The following JAK1 variants were observed in gnomAD, a reference collection of about 807,000 sequenced individuals.
The protein encoded by JAK1 is Janus kinase 1, also known as tyrosine-protein kinase JAK1.
In JAK1, 16 loss-of-function variants were observed where a neutral mutation model predicts 136.6. That is an observed-to-expected ratio of 0.12 (90% CI 0.08 to 0.18). The LOEUF (loss-of-function observed/expected upper bound fraction) is 0.18. JAK1 is among the 10% of genes least tolerant of loss of function. The pLI is 1.00. For synonymous variants in JAK1, 492 were observed against 519.5 expected (o/e 0.95, Z 0.72); for missense variants, 859 against 1,450.1 (o/e 0.59, Z 6.62).
chr1:64,916,978 G>A (rs1431488022), intron 1 of JAK1, among the ~76,000 whole-genome samples: 2 of 152,066 alleles, frequency 1.3e-5, no homozygotes, highest in African/African-American at 2.4e-5. Flanking sequence ...AGAAAGTGGA[G>A]GGGAGAAAAT....
intron 2 of JAK1, chr1:64,974,565 G>A (rs1225808042): frequency 6.6e-6 from 1 of 152,210 alleles, no homozygotes; most frequent in East Asian, 1.9e-4. Context: ...CAGCTAGCTG[G>A]AGAACATACT....
chr1:65,055,165 C>A (rs1353112298), intron 1 of JAK1, among the ~76,000 whole-genome samples: 1 of 152,162 alleles, frequency 6.6e-6, no homozygotes, highest in African/African-American at 2.4e-5. Flanking sequence ...CTCCATTCCC[C>A]CCTCTCCCCC....
intron 1 of JAK1, among the ~76,000 whole-genome samples, chr1:64,923,035 T>C (rs1180238176): frequency 6.6e-6 from 1 of 152,214 alleles, no homozygotes; most frequent in Admixed American, 6.5e-5. Context: ...TACAAGCCAA[T>C]GTGACTCTGT....
chr1:65,046,618 G>C (rs559407925), intron 1 of JAK1, among the ~76,000 whole-genome samples: 3 of 152,232 alleles, frequency 2.0e-5, no homozygotes, highest in African/African-American at 7.2e-5. Flanking sequence ...GGTTGAAGGA[G>C]ACCTGAGTCC....
At position 65,000,093 on chromosome 1, in the gene JAK1, C is replaced by T. The variant is rs1240536644; in HGVS notation, c.-78+44387G>A. Among the ~76,000 whole-genome samples, 18 of 151,414 alleles carry T rather than the reference C, an allele frequency of 1.2e-4. 1 individual carries two copies. Among genetic ancestry groups the T allele is most frequent in the Admixed American group, 8.6e-4 (13 of 15,194 alleles). On this transcript the variant is annotated intron_variant, in intron 2 of 25. Transcript: ENST00000671954. ...GCAACCTCTGACTCCCTGGTTCAAG[C>T]GATTCTCCTCCCTCAGCCTCCCGAG...
intron 1 of JAK1, among the ~76,000 whole-genome samples, chr1:64,945,247 T>A (rs1054051742): frequency 6.6e-6 from 1 of 152,070 alleles, no homozygotes; most frequent in African/African-American, 2.4e-5. Flanking sequence ...CACAAAAATA[T>A]GTAAATTTCA....
intron 2 of JAK1, among the ~76,000 whole-genome samples, chr1:65,025,092 A>G (rs1177531093): frequency 6.6e-6 from 1 of 152,176 alleles, no homozygotes; most frequent in African/African-American, 2.4e-5. Context: ...CAAGATGGCT[A>G]TAGCAGCTCC....
chr1:64,995,144 A>C (rs17127198), intron 2 of JAK1: 4 of 152,154 alleles, frequency 2.6e-5, no homozygotes, highest in African/African-American at 9.7e-5. Flanking sequence ...ATCATTTACA[A>C]TCAGATCATT....
intron 2 of JAK1, among the ~76,000 whole-genome samples, chr1:65,020,225 C>CA (rs375362876): frequency 0.1 from 5,074 of 49,752 alleles, 270 homozygotes; most frequent in African/African-American, 0.16. Flanking sequence ...AACTCCGTCT[C>CA]AAAAAAAAAA....
intron 1 of JAK1, among the ~76,000 whole-genome samples, chr1:65,050,448 G>T (rs1647253002): frequency 6.6e-6 from 1 of 152,162 alleles, no homozygotes; most frequent in African/African-American, 2.4e-5. Flanking sequence ...GGGTGTCCCA[G>T]GCAGAAGGAA....
chr1:64,965,768 G>C (rs899343557), intron 1 of JAK1, among the ~76,000 whole-genome samples: 1 of 152,168 alleles, frequency 6.6e-6, no homozygotes, highest in African/African-American at 2.4e-5. Context: ...TAAGAGGGGA[G>C]GGGGCGTTTC....
intron 1 of JAK1, among the ~76,000 whole-genome samples, chr1:64,896,571 CATTA>C (rs751276836): frequency 4.6e-5 from 7 of 152,192 alleles, no homozygotes; most frequent in Non-Finnish European, 1.0e-4. Context: ...TCCAGGACAT[CATTA>C]ATTAAGTAAA....
intron 1 of JAK1, among the ~76,000 whole-genome samples, chr1:64,905,638 A>G (rs1645178455): frequency 6.6e-6 from 1 of 152,224 alleles, no homozygotes; most frequent in Middle Eastern, 3.2e-3. Flanking sequence ...CCTCTGCCAT[A>G]TAACAAATTT....
At chr1:64,985,947 G>A in intron 2 of JAK1, 2 of 1,007,862 alleles carry the variant, frequency 2.0e-6, no homozygotes, top group Non-Finnish European at 3.1e-6. Flanking sequence ...AGGGGTATTT[G>A]CCTTGTCCTT....
intron 1 of JAK1, 127 bp from the exon 2 acceptor site, chr1:64,886,468 G>GAA (rs1009264855): frequency 2.1e-5 from 11 of 516,084 alleles, no homozygotes; most frequent in Admixed American, 8.3e-5. Flanking sequence ...GAGGAAGAAG[G>GAA]AAAAAAACAA....
chr1:65,007,608 A>C (rs555818050), intron 2 of JAK1, among the ~76,000 whole-genome samples: 4 of 152,088 alleles, frequency 2.6e-5, no homozygotes, highest in Admixed American at 6.6e-5. Context: ...CTACAGGCGC[A>C]TGCCACCACG....
chr1:64,888,873 A>ATCTTC (rs1434400813), intron 1 of JAK1, among the ~76,000 whole-genome samples: 1 of 152,232 alleles, frequency 6.6e-6, no homozygotes, highest in Non-Finnish European at 1.5e-5. Flanking sequence ...TAACAACAAA[A>ATCTTC]TCTCTACTCT....
rs180769230 is a variant in JAK1, at chr1:64,931,731, C to A, written c.-78+34602G>T. ...TCTGTTCTTTAATGGTAAATTGTTA[C>A]AAAATTACAAACTATCGGGAGGCAC... is the stretch of plus-strand genomic sequence containing the variant. On this transcript the variant is annotated intron_variant, in intron 1 of 24. Transcript: ENST00000342505. 1.2e-3 allele frequency among the ~76,000 whole-genome samples: 189 copies of A among 152,092 alleles called. 1 individual carries two copies. The highest frequency in any genetic ancestry group is 2.0e-3 in the Non-Finnish European group (133 of 67,988).
intron 1 of JAK1, among the ~76,000 whole-genome samples, chr1:65,047,145 G>A (rs1273616283): frequency 6.6e-6 from 1 of 151,972 alleles, no homozygotes; most frequent in Non-Finnish European, 1.5e-5. Flanking sequence ...CTACGATTAT[G>A]CCATTGAACT....
Sources: gnomAD v4.1 joint callset for allele counts (sites outside exome capture counted in the v4.1 genomes callset) on GRCh38, gnomAD v4.1.1 for gene constraint, MANE v1.5 for transcripts, NCBI Gene and HGNC (gene_info 2026-07-23, HGNC 2026-07-21) for gene names.